The following ADRA1D variants were observed in gnomAD, a reference collection of about 807,000 sequenced individuals.
The protein encoded by ADRA1D is adrenoceptor alpha 1D, also known as alpha-1D adrenergic receptor.
ADRA1D carries 22 observed loss-of-function variants against 18.6 expected under a neutral mutation model. That is an observed-to-expected ratio of 1.19 (90% CI 0.85 to 1.69). The LOEUF (loss-of-function observed/expected upper bound fraction) is 1.69, where lower values mean the gene tolerates loss of function less well. ADRA1D is among the 40% of genes most tolerant of loss of function. ADRA1D has a pLI of 0.00. For synonymous variants in ADRA1D, 376 were observed against 388.2 expected (o/e 0.97, Z 0.37); for missense variants, 840 against 840.7 (o/e 1.00, Z 0.01).
At position 4,248,758 on chromosome 20, in the gene ADRA1D, C is replaced by T. The variant is rs1266397251; in HGVS notation, c.200G>A (p.Ser67Asn). ...VGAGSGEDNR[S>N]SAGEPGSAGA... is the part of the protein sequence containing the mutation. ...CGCGCTCCCCGGCTCCCCCGCGGAG[C>T]TCCGGTTGTCCTCGCCGCTGCCTGC... Residue 67 changes from serine to asparagine, a missense_variant, in exon 1 of 2, where the codon AGC (serine) becomes AAC (asparagine). Ser to Asn is a conservative substitution (Grantham distance 46). Transcript: ENST00000379453. 3 of 1,477,850 alleles carry T rather than the reference C, an allele frequency of 2.0e-6. No homozygotes were observed. The highest frequency in any genetic ancestry group is 1.4e-5 in the South Asian group (1 of 73,628). 91.5% of individuals were successfully genotyped at this position (1,477,850 alleles called of 1,614,324 possible). A position where few individuals can be genotyped will look rare whatever the true frequency, so the allele number is the denominator to read the frequency against.
rs113333561 is a variant in ADRA1D at position 4,227,551 on chromosome 20, A to G, written c.1112-5421T>C. 1.3e-3 allele frequency among the ~76,000 whole-genome samples: 201 copies of G among 151,900 alleles called. 1 individual carries two copies. The highest frequency in any genetic ancestry group is 4.6e-3 in the African/African-American group (191 of 41,430). On this transcript the variant is annotated intron_variant, in intron 1 of 1. Coordinates refer to ENST00000379453, the MANE Select transcript of ADRA1D (RefSeq NM_000678.4). ...CGCACCTTGCAGCTCATCCATCACC[A>G]ACTCCTGTTGGCCCCTAAGTCCCCT...
intron 1 of ADRA1D, among the ~76,000 whole-genome samples, chr20:4,247,165 C>T (rs1460758660): frequency 6.6e-6 from 1 of 152,200 alleles, no homozygotes; most frequent in Non-Finnish European, 1.5e-5. Context: ...CAGGAAAGTT[C>T]CTCGGAAGAG....
At position 4,221,832 on chromosome 20, in the gene ADRA1D, G is replaced by T; in HGVS notation, c.1410C>A (p.Pro470=). ...CGGGCGTGCCTGGGGGTTCGGGGTC[G>T]GGGTCGGGGAGCGCGGTGAGGGCCA... The part of the protein sequence containing the change: ...APLALTALPD[P]DPEPPGTPEM... Residue 470 remains proline (P), a synonymous_variant, in exon 2 of 2, where the codon CCC becomes CCA. Transcript: ENST00000379453. 6.7e-7 allele frequency: 1 copy of T among 1,502,464 alleles called. No individual in the cohort carries two copies. The highest frequency in any genetic ancestry group is 8.8e-7 in the Non-Finnish European group (1 of 1,131,522). 93.1% of individuals were successfully genotyped at this position (1,502,464 alleles called of 1,614,324 possible).
At chr20:4,244,544 C>T (rs751892007) in intron 1 of ADRA1D, among the ~76,000 whole-genome samples, 5 of 152,218 alleles carry the variant, frequency 3.3e-5, no homozygotes, top group African/African-American at 4.8e-5. Context: ...TTCCAATGTT[C>T]TCTATCCCCT....
chr20:4,231,026 C>CTCTT (rs1329167286), intron 1 of ADRA1D, among the ~76,000 whole-genome samples: 3 of 122,900 alleles, frequency 2.4e-5, no homozygotes, highest in African/African-American at 8.9e-5. Context: ...TTTTCTCTTT[C>CTCTT]TCTTTCTTTC....
At position 4,248,732 on chromosome 20, in the gene ADRA1D, C is replaced by CCGCGCT. The variant is rs748824072; in HGVS notation, c.220_225dup (p.Ser74_Ala75dup). On this transcript the variant is annotated inframe_insertion, in exon 1 of 2. Coordinates refer to ENST00000379453, the MANE Select transcript of ADRA1D (RefSeq NM_000678.4). Reference sequence around the variant, plus strand: ...GTGCCATTCACGTCGCCGCCCGCGCCCGCGCTCCCCGGCTCCCCCGCGGAG... The same window carrying CCGCGCT: ...GTGCCATTCACGTCGCCGCCCGCGCCCGCGCTCGCGCTCCCCGGCTCCCCCGCGGAG... The CCGCGCT allele has an allele frequency of 3.9e-6, 6 of 1,541,440 alleles. No individual in the cohort carries two copies. The highest frequency in any genetic ancestry group is 4.4e-6 in the Non-Finnish European group (5 of 1,143,076).
At position 4,248,637 on chromosome 20, in the gene ADRA1D, G is replaced by T. The variant is rs776565919; in HGVS notation, c.321C>A (p.Ile107=). Residue 107 remains isoleucine (I), a synonymous_variant, in exon 1 of 2, where the codon ATC becomes ATA. Transcript: ENST00000379453. ...GCAGGTTACCTGCCACGGCCATAAG[G>T]ATGAAGGCTGCCAGGAAGACGCCCA... is the stretch of plus-strand genomic sequence containing the variant. The part of the protein sequence containing the change: ...VGVGVFLAAF[I]LMAVAGNLLV... 3 of 1,612,532 alleles carry T rather than the reference G, an allele frequency of 1.9e-6. No homozygotes were observed. The highest frequency in any genetic ancestry group is 2.5e-6 in the Non-Finnish European group (3 of 1,179,664).
At position 4,248,006 on chromosome 20, in the gene ADRA1D, C is replaced by A; in HGVS notation, c.952G>T (p.Ala318Ser). Reference sequence around the variant, plus strand: ...CCCTTGGCGCTGCGCATGCCGTGCGCCCCGTCGGCGCCCGTGGCCGCGCCG... The same window carrying A: ...CCCTTGGCGCTGCGCATGCCGTGCGACCCGTCGGCGCCCGTGGCCGCGCCG... Reference protein sequence around the residue: ...CRGAATGADGAHGMRSAKGHT... With the variant: ...CRGAATGADGSHGMRSAKGHT... Residue 318 changes from alanine (A) to serine (S), a missense_variant, in exon 1 of 2, where the codon GCG (alanine) becomes TCG (serine). By Grantham distance (99) the Ala-to-Ser change is moderately conservative. Transcript: ENST00000379453. 1 of 1,559,668 alleles carries A rather than the reference C, an allele frequency of 6.4e-7. No individual in the cohort carries two copies. The highest frequency in any genetic ancestry group is 8.7e-7 in the Non-Finnish European group (1 of 1,153,084).
intron 1 of ADRA1D, among the ~76,000 whole-genome samples, chr20:4,231,093 T>TTTTC (rs57640382): frequency 8.9e-6 from 1 of 111,904 alleles, no homozygotes; most frequent in Non-Finnish European, 1.7e-5. Flanking sequence ...TTTTCTTTTC[T>TTTTC]TTTCTTTCTT....
intron 1 of ADRA1D, among the ~76,000 whole-genome samples, chr20:4,224,932 T>C (rs180670961): frequency 1.4e-4 from 21 of 150,542 alleles, no homozygotes; most frequent in Admixed American, 3.3e-4. Context: ...CATAGCATCA[T>C]ATGGCACAGG....
At chr20:4,225,427 TC>T (rs1460540855) in intron 1 of ADRA1D, among the ~76,000 whole-genome samples, 32 of 91,872 alleles carry the variant, frequency 3.5e-4, no homozygotes, top group African/African-American at 1.1e-3. Context: ...TTTTTTTCTT[TC>T]TTTTTTTTTT....
At position 4,231,038 on chromosome 20, in the gene ADRA1D, T is replaced by TTTTCTTTCTTTC. The variant is rs3030143; in HGVS notation, c.1112-8920_1112-8909dup. Among the ~76,000 whole-genome samples, 139 of 108,606 alleles carry TTTTCTTTCTTTC rather than the reference T, an allele frequency of 1.3e-3. 1 individual carries two copies. Among genetic ancestry groups the TTTTCTTTCTTTC allele is most frequent in the Non-Finnish European group, 1.5e-3 (80 of 54,810 alleles). 71.2% of individuals were successfully genotyped at this position (108,606 alleles called of 152,430 possible). On this transcript the variant is annotated intron_variant, in intron 1 of 1. Coordinates refer to ENST00000379453, the MANE Select transcript of ADRA1D (RefSeq NM_000678.4). ...TTCTTTTCTCTTTCTCTTTCTTTCTTTTTCTTTCTTTCTTTCTTTCTTTCT... is the reference window on the plus strand; with the variant it reads ...TTCTTTTCTCTTTCTCTTTCTTTCTTTTTCTTTCTTTCTTTCTTTCTTTCTTTCTTTCTTTCT...
chr20:4,236,524 TG>T (rs1302448108), intron 1 of ADRA1D, among the ~76,000 whole-genome samples: 1 of 151,958 alleles, frequency 6.6e-6, no homozygotes, highest in Non-Finnish European at 1.5e-5. Context: ...ATGAAGAATT[TG>T]GGGGAAGTGG....
intron 1 of ADRA1D, among the ~76,000 whole-genome samples, chr20:4,236,102 C>A (rs1213129078): frequency 6.6e-6 from 1 of 152,188 alleles, no homozygotes; most frequent in East Asian, 1.9e-4. Flanking sequence ...TGGCCCTTAA[C>A]CCTGGCCCCA....
At position 4,249,010 on chromosome 20, in the gene ADRA1D, A is replaced by G; in HGVS notation, c.-53T>C. 5 of 1,221,128 alleles carry G rather than the reference A, an allele frequency of 4.1e-6. No individual in the cohort carries two copies. Among genetic ancestry groups the G allele is most frequent in the Non-Finnish European group, 3.1e-6 (3 of 963,862 alleles). 75.6% of individuals were successfully genotyped at this position (1,221,128 alleles called of 1,614,324 possible). A position where few individuals can be genotyped will look rare whatever the true frequency, so the allele number is the denominator to read the frequency against. On this transcript the variant is annotated 5_prime_UTR_variant, in exon 1 of 2. Transcript: ENST00000379453. ...CCGGGGCACAGAACGAGCGGCCGGC[A>G]GGGAGGGGAGCACAGGGCATAGCCG...
intron 1 of ADRA1D, among the ~76,000 whole-genome samples, chr20:4,238,239 C>T (rs941741945): frequency 7.3e-5 from 11 of 151,638 alleles, no homozygotes; most frequent in African/African-American, 2.4e-4. Context: ...GGTGACAGAG[C>T]AAGACCCTGT....
rs576529083 is a variant in ADRA1D, at chr20:4,222,675, G to A, written c.1112-545C>T. On this transcript the variant is annotated intron_variant, in intron 1 of 1. Transcript: ENST00000379453. The surrounding 1 kb of genome is among the most constrained non-coding windows in gnomAD (Gnocchi z 4.3). ...TGCCTCTTCCTACACAGAAGATAAC[G>A]TCTGACCAGGCTAGTAATTATGCTG... Among the ~76,000 whole-genome samples, 7 of 152,212 alleles carry A rather than the reference G, an allele frequency of 4.6e-5. No homozygotes were observed. The East Asian group carries it at 1.4e-3, about 29-fold the overall frequency.
intron 1 of ADRA1D, among the ~76,000 whole-genome samples, chr20:4,233,656 C>T (rs949250082): frequency 2.0e-5 from 3 of 152,186 alleles, no homozygotes; most frequent in Non-Finnish European, 2.9e-5. Flanking sequence ...AAGTGCTTTT[C>T]GTGGTCCCCA....
At position 4,248,692 on chromosome 20, in the gene ADRA1D, C is replaced by T. The variant is rs1981417594; in HGVS notation, c.266G>A (p.Gly89Glu). 3.2e-6 allele frequency: 5 copies of T among 1,579,046 alleles called. No homozygotes were observed. Among genetic ancestry groups the T allele is most frequent in the Non-Finnish European group, 4.3e-6 (5 of 1,163,774 alleles). Reference sequence around the variant, plus strand: ...CACGCCCTGCGCGCTCACCACCAGTCCCCCGACGGCCGCCGTGCCATTCAC... The same window carrying T: ...CACGCCCTGCGCGCTCACCACCAGTTCCCCGACGGCCGCCGTGCCATTCAC... Reference protein sequence around the residue: ...GDVNGTAAVGGLVVSAQGVGV... With the variant: ...GDVNGTAAVGELVVSAQGVGV... The change falls in exon 1 of 2, where the codon GGA becomes GAA. Residue 89 changes from glycine (G) to glutamate (E), a missense_variant. Physicochemically the swap from Gly to Glu is moderately conservative, Grantham distance 98. Transcript: ENST00000379453.
Sources: allele counts gnomAD v4.1 joint callset (sites outside exome capture counted in the v4.1 genomes callset), GRCh38; gene constraint gnomAD v4.1.1; non-coding constraint Gnocchi (gnomAD v3.1); transcripts MANE v1.5; gene names NCBI Gene and HGNC (gene_info 2026-07-23, HGNC 2026-07-21).